ABTB3: variants seen among roughly 807,000 people sequenced by gnomAD.
ABTB3 encodes the protein ankyrin repeat and BTB domain containing 3, also known as ankyrin repeat- and BTB/POZ domain-containing protein 3.
At chr12:107,469,924 C>CTTTCTTTCTT in the ABTB3 span, among the ~76,000 whole-genome samples, 20 of 41,208 alleles carry the variant, frequency 4.9e-4, 1 homozygote, top group East Asian at 6.5e-3. Context: ...CTTTCTTTCT[C>CTTTCTTTCTT]TCTCTCTCTC....
chr12:107,539,370 T>C, the ABTB3 span, among the ~76,000 whole-genome samples: 1 of 152,194 alleles, frequency 6.6e-6, no homozygotes, highest in Non-Finnish European at 1.5e-5. Context: ...AGCTTCCCCT[T>C]ACTAGGCTAA....
At chr12:107,641,791 C>G in the ABTB3 span, among the ~76,000 whole-genome samples, 1 of 152,188 alleles carries the variant, frequency 6.6e-6, no homozygotes, top group African/African-American at 2.4e-5. Context: ...GTGGCGGCCA[C>G]GTGACAGGCC....
At chr12:107,487,111 C>T in the ABTB3 span, among the ~76,000 whole-genome samples, 1 of 152,128 alleles carries the variant, frequency 6.6e-6, no homozygotes, top group African/African-American at 2.4e-5. Flanking sequence ...AACAGAGGTA[C>T]CCTTCCTCTC....
chr12:107,503,773 A>AAAAAAAAAAAAAT, the ABTB3 span, among the ~76,000 whole-genome samples: 2 of 135,896 alleles, frequency 1.5e-5, no homozygotes, highest in African/African-American at 5.2e-5. Flanking sequence ...AAAAAAAAAA[A>AAAAAAAAAAAAAT]AGAAGAAGAA....
chr12:107,558,834 G>A, the ABTB3 span, among the ~76,000 whole-genome samples: 1 of 152,218 alleles, frequency 6.6e-6, no homozygotes, highest in Non-Finnish European at 1.5e-5. Context: ...GAAGAGTGAG[G>A]AGATGTTCTG....
the ABTB3 span, among the ~76,000 whole-genome samples, chr12:107,475,870 C>T: frequency 6.6e-6 from 1 of 152,056 alleles, no homozygotes; most frequent in Admixed American, 6.6e-5. Context: ...GAGGATGTCC[C>T]GACAGCTGAA....
At chr12:107,320,478 T>G in the ABTB3 span, 2 of 431,522 alleles carry the variant, frequency 4.6e-6, no homozygotes, top group South Asian at 1.7e-5. Context: ...TGAATTGGGC[T>G]CCCTAGGACT....
the ABTB3 span, among the ~76,000 whole-genome samples, chr12:107,507,086 C>T: frequency 6.6e-6 from 1 of 152,036 alleles, no homozygotes; most frequent in African/African-American, 2.4e-5. Flanking sequence ...TGTAAAGAGG[C>T]CAACTTCTGA....
the ABTB3 span, among the ~76,000 whole-genome samples, chr12:107,467,414 G>T: frequency 1.3e-5 from 2 of 152,146 alleles, no homozygotes; most frequent in African/African-American, 4.8e-5. Flanking sequence ...GTGTGGCCTG[G>T]CGTGGTATAG....
the ABTB3 span, among the ~76,000 whole-genome samples, chr12:107,538,817 C>T: frequency 6.6e-6 from 1 of 152,168 alleles, no homozygotes; most frequent in Non-Finnish European, 1.5e-5. Flanking sequence ...TTCCTGAGCC[C>T]CCACCCCACA....
the ABTB3 span, among the ~76,000 whole-genome samples, chr12:107,320,866 G>A: frequency 6.6e-6 from 1 of 151,966 alleles, no homozygotes; most frequent in African/African-American, 2.4e-5. Flanking sequence ...CTGGCGGGGG[G>A]CAGTTCTGGA....
the ABTB3 span, among the ~76,000 whole-genome samples, chr12:107,586,982 G>A: frequency 2.0e-5 from 3 of 152,182 alleles, no homozygotes; most frequent in African/African-American, 7.2e-5. Flanking sequence ...GGGGAAGAAG[G>A]GGAAAAGGCA....
the ABTB3 span, chr12:107,651,603 T>C: frequency 2.9e-6 from 3 of 1,044,096 alleles, no homozygotes; most frequent in Non-Finnish European, 4.4e-6. Context: ...GTCTCACCAC[T>C]ATAGTTCCTT....
chr12:107,332,792 G>A, the ABTB3 span, among the ~76,000 whole-genome samples: 1 of 152,166 alleles, frequency 6.6e-6, no homozygotes, highest in Admixed American at 6.5e-5. Flanking sequence ...GTTGTGACCC[G>A]CAGGAAGGCC....
the ABTB3 span, among the ~76,000 whole-genome samples, chr12:107,324,890 C>G: frequency 6.6e-6 from 1 of 152,198 alleles, no homozygotes; most frequent in Non-Finnish European, 1.5e-5. Flanking sequence ...CTCTACCATT[C>G]TCTAGCAAGT....
the ABTB3 span, chr12:107,658,593 G>A: frequency 2.6e-5 from 4 of 152,568 alleles, no homozygotes; most frequent in Non-Finnish European, 4.4e-5. Context: ...GAAATGTTAC[G>A]TTTGTGCTTC....
the ABTB3 span, chr12:107,635,288 G>A: frequency 6.2e-7 from 1 of 1,613,112 alleles, no homozygotes; most frequent in African/African-American, 1.3e-5. Context: ...TCTGCAGAAT[G>A]AAGTGATCAG....
chr12:107,600,969 G>A, the ABTB3 span, among the ~76,000 whole-genome samples: 1 of 152,242 alleles, frequency 6.6e-6, no homozygotes, highest in Admixed American at 6.5e-5. Context: ...GAAGGATGGT[G>A]GTGGGGGGGT....
At chr12:107,552,541 G>T in the ABTB3 span, among the ~76,000 whole-genome samples, 1 of 152,120 alleles carries the variant, frequency 6.6e-6, no homozygotes. Context: ...TTGTTGATTT[G>T]TGCCATTGGA....
Sources: allele counts gnomAD v4.1 joint callset (sites outside exome capture counted in the v4.1 genomes callset), GRCh38; gene constraint gnomAD v4.1.1; transcripts MANE v1.5; gene names NCBI Gene and HGNC (gene_info 2026-07-23, HGNC 2026-07-21).